Variants in PEBP4 observed in about 807,000 individuals in gnomAD.
The protein encoded by PEBP4 is phosphatidylethanolamine-binding protein 4.
PEBP4 carries 22 observed loss-of-function variants against 23.9 expected under a neutral mutation model. The observed-to-expected ratio is 0.92, with a 90% CI of 0.66 to 1.31. The LOEUF is 1.31. Among genes scored for constraint, PEBP4 ranks in the 40% most tolerant of loss-of-function variants. The pLI, the probability that PEBP4 is intolerant of heterozygous loss-of-function variation, is 0.00. For synonymous variants in PEBP4, 112 were observed against 99.3 expected (o/e 1.13, Z -0.76); for missense variants, 324 against 281.7 (o/e 1.15, Z -1.07).
chr8:22,888,193 GC>G (rs1808423096), intron 3 of PEBP4, among the ~76,000 whole-genome samples: 1 of 132,394 alleles, frequency 7.6e-6, no homozygotes, highest in African/African-American at 2.8e-5. Context: ...TCGCTCTGTT[GC>G]CCAGGCTGGA....
chr8:22,853,957 C>T (rs1299844366), intron 3 of PEBP4, among the ~76,000 whole-genome samples: 1 of 152,192 alleles, frequency 6.6e-6, no homozygotes, highest in Non-Finnish European at 1.5e-5. Context: ...GCAAGAACAA[C>T]AAACCTCACC....
chr8:22,720,528 A>G (rs6558180), intron 6 of PEBP4, among the ~76,000 whole-genome samples: 55,559 of 152,172 alleles, frequency 0.37, 10,854 homozygotes, highest in African/African-American at 0.5. Flanking sequence ...GCCTGGAAGG[A>G]AAGATGTCCC....
At chr8:22,740,388 AG>A (rs1349994776) in intron 4 of PEBP4, among the ~76,000 whole-genome samples, 2 of 152,210 alleles carry the variant, frequency 1.3e-5, no homozygotes, top group African/African-American at 4.8e-5. Context: ...GAGCAGCAGC[AG>A]TGTGCCCTGG....
At chr8:22,721,807 A>G (rs1025831433) in intron 6 of PEBP4, among the ~76,000 whole-genome samples, 1 of 152,090 alleles carries the variant, frequency 6.6e-6, no homozygotes, top group Non-Finnish European at 1.5e-5. Flanking sequence ...GCAGGACCCC[A>G]TGCTCTGGCC....
At chr8:22,840,208 T>C (rs1296621040) in intron 3 of PEBP4, among the ~76,000 whole-genome samples, 1 of 152,166 alleles carries the variant, frequency 6.6e-6, no homozygotes, top group Non-Finnish European at 1.5e-5. Flanking sequence ...TTTGCCTGTC[T>C]TCCTTACTTC....
upstream of PEBP4, among the ~76,000 whole-genome samples, chr8:22,928,828 C>T (rs747770841): frequency 2.6e-4 from 39 of 152,190 alleles, no homozygotes; most frequent in Admixed American, 2.0e-3. Flanking sequence ...TGGTGCCTTG[C>T]TAAGGAATAT....
chr8:22,899,920 C>T (rs1331672673), intron 3 of PEBP4, among the ~76,000 whole-genome samples: 1 of 152,132 alleles, frequency 6.6e-6, no homozygotes, highest in African/African-American at 2.4e-5. Context: ...ACCCTTCTCA[C>T]CCGCAGTCAA....
intron 4 of PEBP4, among the ~76,000 whole-genome samples, chr8:22,760,236 C>A (rs1322439056): frequency 1.3e-5 from 2 of 152,104 alleles, no homozygotes. Context: ...AATCACCTGC[C>A]CAAGGTCACC....
At chr8:22,927,783 G>GT in intron 1 of PEBP4, 40 bp downstream of exon 1, 1 of 1,597,032 alleles carries the variant, frequency 6.3e-7, no homozygotes, top group South Asian at 1.1e-5. Flanking sequence ...CCCACTACCT[G>GT]TGCCCCCGAC....
intron 3 of PEBP4, among the ~76,000 whole-genome samples, chr8:22,876,602 A>T (rs369183557): frequency 1.3e-5 from 2 of 152,222 alleles, no homozygotes; most frequent in East Asian, 3.8e-4. Flanking sequence ...TCTCTACCTC[A>T]ACTTGCAGCC....
intron 3 of PEBP4, among the ~76,000 whole-genome samples, chr8:22,899,460 G>C (rs1285878615): frequency 6.6e-6 from 1 of 152,234 alleles, no homozygotes; most frequent in Non-Finnish European, 1.5e-5. Flanking sequence ...ACATGAAAAG[G>C]AACCTGCTTT....
intron 4 of PEBP4, among the ~76,000 whole-genome samples, chr8:22,764,808 C>A (rs1371587061): frequency 6.6e-6 from 1 of 151,988 alleles, no homozygotes; most frequent in African/African-American, 2.4e-5. Flanking sequence ...TCACTCCTGT[C>A]CCCAAATGGC....
chr8:22,848,058 T>C (rs1395618824), intron 3 of PEBP4, among the ~76,000 whole-genome samples: 1 of 152,086 alleles, frequency 6.6e-6, no homozygotes, highest in African/African-American at 2.4e-5. Flanking sequence ...CGCTTTCTCT[T>C]TTGGGGGGAA....
intron 2 of PEBP4, chr8:22,924,838 CA>C: frequency 1.0e-6 from 1 of 985,376 alleles, no homozygotes; most frequent in Non-Finnish European, 1.2e-6. Context: ...TGGGGTATCT[CA>C]GAAGCAGGGA....
At position 22,782,336 on chromosome 8, in the gene PEBP4, A is replaced by T. The variant is rs1311987031; in HGVS notation, c.357+35301T>A. On this transcript the variant is annotated intron_variant, in intron 4 of 6. Transcript: ENST00000256404. ...ACAGAGTAGTGCAAACTCACAGAGC[A>T]CGTGGGAACCTCTCCCTCATTCATT... Among the ~76,000 whole-genome samples the T allele has an allele frequency of 3.3e-5, 5 of 152,242 alleles. No individual in the cohort carries two copies. In the East Asian group the frequency reaches 7.7e-4, roughly 23 times the overall value.
chr8:22,928,445 C>G (rs370834912), upstream of PEBP4, among the ~76,000 whole-genome samples: 8 of 151,044 alleles, frequency 5.3e-5, no homozygotes, highest in East Asian at 7.7e-4. Flanking sequence ...CCAAAATAAT[C>G]GTATCTGGAG....
chr8:22,721,886 C>T (rs1357331967), intron 6 of PEBP4, among the ~76,000 whole-genome samples: 1 of 152,280 alleles, frequency 6.6e-6, no homozygotes, highest in East Asian at 1.9e-4. Flanking sequence ...CAGAGAGCAC[C>T]AGGCCCTGAG....
At chr8:22,854,610 C>G (rs1046016679) in intron 3 of PEBP4, among the ~76,000 whole-genome samples, 2 of 152,022 alleles carry the variant, frequency 1.3e-5, no homozygotes, top group South Asian at 2.1e-4. Flanking sequence ...CTTTTCTCCC[C>G]GTCTTCACTT....
chr8:22,881,455 G>C (rs1303114996), intron 3 of PEBP4, among the ~76,000 whole-genome samples: 2 of 152,220 alleles, frequency 1.3e-5, no homozygotes, highest in African/African-American at 2.4e-5. Flanking sequence ...TGTCTGTCCT[G>C]CTCTGCCAGG....
Sources: allele counts gnomAD v4.1 joint callset (sites outside exome capture counted in the v4.1 genomes callset), GRCh38; gene constraint gnomAD v4.1.1; transcripts MANE v1.5; gene names NCBI Gene and HGNC (gene_info 2026-07-23, HGNC 2026-07-21).